The following ATRNL1 variants were observed in gnomAD, a reference collection of about 807,000 sequenced individuals.
ATRNL1 encodes the protein attractin-like protein 1.
A neutral mutation model predicts 182.7 loss-of-function variants in ATRNL1; 95 were observed. The ratio of observed to expected loss-of-function variants is 0.52; its 90% confidence interval spans 0.44 to 0.62. The LOEUF (loss-of-function observed/expected upper bound fraction) is 0.62, where lower values mean the gene tolerates loss of function less well. Among genes scored for constraint, ATRNL1 ranks in the 20% least tolerant of loss-of-function variants. The probability of loss-of-function intolerance (pLI) is 0.00; values close to 1 mark genes in which losing one functional copy is unlikely to be tolerated. For missense variants in ATRNL1, 1,471 were observed against 1,679.5 expected, an observed-to-expected ratio of 0.88 and a Z score of 2.17; for synonymous variants, 576 against 568.3, an observed-to-expected ratio of 1.01 and a Z score of -0.19.
At chr10:115,159,504 G>A (rs1395348305) in intron 5 of ATRNL1, among the ~76,000 whole-genome samples, 1 of 150,986 alleles carries the variant, frequency 6.6e-6, no homozygotes. Context: ...GCAAACTTTG[G>A]TTGTCCTTAA....
intron 21 of ATRNL1, among the ~76,000 whole-genome samples, chr10:115,458,601 G>A (rs1316970436): frequency 2.0e-5 from 3 of 151,970 alleles, no homozygotes; most frequent in Non-Finnish European, 4.4e-5. Flanking sequence ...CCAAGAATGT[G>A]GTTGGGCATA....
At chr10:115,209,822 G>T (rs1554894599) in intron 8 of ATRNL1, among the ~76,000 whole-genome samples, 1 of 151,970 alleles carries the variant, frequency 6.6e-6, no homozygotes, top group Non-Finnish European at 1.5e-5. Flanking sequence ...AACATAAGAA[G>T]AATATAATGA....
rs753830842 is a variant in ATRNL1, at chr10:115,676,295, TACTAGAGATCGACCATAGCTTA to T, written c.3796-50949_3796-50928del. 9.2e-5 allele frequency among the ~76,000 whole-genome samples: 14 copies of T among 152,154 alleles called. No homozygotes were observed. In the East Asian group the frequency reaches 1.2e-3, roughly 13 times the overall value. On this transcript the variant is annotated intron_variant, in intron 26 of 28. Coordinates refer to ENST00000355044, the MANE Select transcript of ATRNL1 (RefSeq NM_207303.4). ...GAACTTTCAAAGATATTGTACATTT[TACTAGAGATCGACCATAGCTTA>T]ACTCATTAAAGAAAACAGTTAATAA...
chr10:115,518,523 A>T (rs763742061), intron 24 of ATRNL1, among the ~76,000 whole-genome samples: 1 of 151,914 alleles, frequency 6.6e-6, no homozygotes, highest in African/African-American at 2.4e-5. Flanking sequence ...TTAAATTTCT[A>T]TTCAGTTAGA....
intron 24 of ATRNL1, among the ~76,000 whole-genome samples, chr10:115,505,874 A>AT (rs1554981184): frequency 1.3e-5 from 2 of 151,914 alleles, no homozygotes. Flanking sequence ...GCTAGGAGAA[A>AT]TTGCTGCTAT....
At chr10:115,714,451 G>T (rs1358368982) in intron 26 of ATRNL1, among the ~76,000 whole-genome samples, 1 of 152,126 alleles carries the variant, frequency 6.6e-6, no homozygotes, top group Non-Finnish European at 1.5e-5. Context: ...CAAACAGCAC[G>T]AACTTTCTGA....
intron 28 of ATRNL1, among the ~76,000 whole-genome samples, chr10:115,927,905 C>A (rs1555120680): frequency 6.6e-6 from 1 of 151,980 alleles, no homozygotes; most frequent in Non-Finnish European, 1.5e-5. Flanking sequence ...TCAGGAAGAA[C>A]CAAAGTAATT....
At chr10:115,792,752 C>A (rs1223164221) in intron 27 of ATRNL1, among the ~76,000 whole-genome samples, 1 of 151,888 alleles carries the variant, frequency 6.6e-6, no homozygotes, top group Non-Finnish European at 1.5e-5. Context: ...TTTATTTCTT[C>A]ATTCAAAGAA....
Position 115,469,335 on chromosome 10 carries a change from T to A in ATRNL1, c.3654+6T>A. The A allele has an allele frequency of 2.7e-6, 4 of 1,502,598 alleles. No individual in the cohort carries two copies. Among genetic ancestry groups the A allele is most frequent in the Non-Finnish European group, 3.6e-6 (4 of 1,124,838 alleles). 93.1% of individuals were successfully genotyped at this position (1,502,598 alleles called of 1,614,324 possible). A position where few individuals can be genotyped will look rare whatever the true frequency, so the allele number is the denominator to read the frequency against. On this transcript the variant is annotated splice_donor_region_variant and intron_variant, in intron 24 of 28. Coordinates refer to ENST00000355044, the MANE Select transcript of ATRNL1 (RefSeq NM_207303.4). The stretch of plus-strand genomic sequence containing the variant: ...CCTGGCCTATTAAAATACAGGTAAG[T>A]GTTAAGAGTATTTACTTCTAATGAC...
At chr10:115,245,631 T>C (rs1162718640) in intron 10 of ATRNL1, among the ~76,000 whole-genome samples, 3 of 152,072 alleles carry the variant, frequency 2.0e-5, no homozygotes, top group South Asian at 2.1e-4. Context: ...GCATATAATT[T>C]CATAGCAAAA....
At chr10:115,753,186 T>G (rs903848296) in intron 27 of ATRNL1, among the ~76,000 whole-genome samples, 7 of 152,110 alleles carry the variant, frequency 4.6e-5, no homozygotes, top group African/African-American at 1.7e-4. Flanking sequence ...AAGTCCCTTT[T>G]TTATTATACT....
chr10:115,760,870 T>TG (rs1555073421), intron 27 of ATRNL1, among the ~76,000 whole-genome samples: 2 of 152,232 alleles, frequency 1.3e-5, no homozygotes, highest in African/African-American at 4.8e-5. Context: ...TACAGAAGGC[T>TG]GGTCAATAGC....
In ATRNL1 at chr10:115,241,604, C is replaced by A; in HGVS notation, c.1566C>A (p.Tyr522Ter). ...TGAAAGAAAGTGGGTTTGCCAGATACCTTCATTCAGCTGTTCTTATCAATG... is the reference window on the plus strand; with the variant it reads ...TGAAAGAAAGTGGGTTTGCCAGATAACTTCATTCAGCTGTTCTTATCAATG... ...TILKESGFAR[Y>*]LHSAVLINGA... Residue 522 changes from tyrosine (Y) to a stop codon, truncating the protein, a stop_gained, in exon 10 of 29, where the codon TAC becomes TAA. Transcript: ENST00000355044. LOFTEE classifies it high-confidence loss of function. 6.2e-7 allele frequency: 1 copy of A among 1,608,736 alleles called. No homozygotes were observed. The highest frequency in any genetic ancestry group is 8.5e-7 in the Non-Finnish European group (1 of 1,176,432).
chr10:115,943,023 A>G (rs1205456872), intron 28 of ATRNL1, among the ~76,000 whole-genome samples: 5 of 152,212 alleles, frequency 3.3e-5, no homozygotes, highest in Admixed American at 1.3e-4. Context: ...ACATAATTAA[A>G]CAATATGCTT....
At position 115,931,747 on chromosome 10, in the gene ATRNL1, A is replaced by G. The variant is rs138538379; in HGVS notation, c.4019-12911A>G. Reference sequence around the variant, plus strand: ...ATGACATTCTGTAATGACATGTGCTAATAGTTTCTATCTCCATCCATCCCT... The same window carrying G: ...ATGACATTCTGTAATGACATGTGCTGATAGTTTCTATCTCCATCCATCCCT... On this transcript the variant is annotated intron_variant, in intron 28 of 28. Coordinates refer to ENST00000355044, the MANE Select transcript of ATRNL1 (RefSeq NM_207303.4). Among the ~76,000 whole-genome samples, 14 of 152,324 alleles carry G rather than the reference A, an allele frequency of 9.2e-5. No homozygotes were observed. In the East Asian group the frequency reaches 2.1e-3, roughly 23 times the overall value.
chr10:115,928,214 G>T (rs956452057), intron 28 of ATRNL1, among the ~76,000 whole-genome samples: 5 of 151,914 alleles, frequency 3.3e-5, no homozygotes, highest in Non-Finnish European at 1.5e-5. Flanking sequence ...AACTGAGTTT[G>T]GTTTCTTTAT....
At chr10:115,211,832 A>G (rs563140170) in intron 8 of ATRNL1, among the ~76,000 whole-genome samples, 6 of 145,486 alleles carry the variant, frequency 4.1e-5, no homozygotes, top group African/African-American at 7.6e-5. Context: ...TCATCGTTCA[A>G]TTCCCACCTA....
chr10:115,530,538 A>G (rs368763915), intron 25 of ATRNL1, among the ~76,000 whole-genome samples: 3 of 152,174 alleles, frequency 2.0e-5, no homozygotes, highest in African/African-American at 7.2e-5. Flanking sequence ...AACAAGAACA[A>G]TCAAAGATGA....
chr10:115,936,631 C>T (rs111713680), intron 28 of ATRNL1, among the ~76,000 whole-genome samples: 1 of 152,104 alleles, frequency 6.6e-6, no homozygotes, highest in Non-Finnish European at 1.5e-5. Context: ...TCACTTAAGG[C>T]AGTCAGTGAC....
Sources: gnomAD v4.1 joint callset for allele counts (sites outside exome capture counted in the v4.1 genomes callset) on GRCh38, gnomAD v4.1.1 for gene constraint, MANE v1.5 for transcripts, NCBI Gene and HGNC (gene_info 2026-07-23, HGNC 2026-07-21) for gene names.